The following LIPI variants were observed in gnomAD, a reference collection of about 807,000 sequenced individuals.
The protein encoded by LIPI is lipase I.
A neutral mutation model predicts 50.6 loss-of-function variants in LIPI; 59 were observed. The ratio of observed to expected loss-of-function variants is 1.16; its 90% CI spans 0.94 to 1.45. The LOEUF is 1.45. LIPI is among the 40% of genes most tolerant of loss of function. LIPI has a pLI of 0.00. For missense variants in LIPI, 586 were observed against 536.3 expected (o/e 1.09, Z -0.92); for synonymous variants, 203 against 178.2 (o/e 1.14, Z -1.11).
chr21:14,132,549 A>C lies in LIPI; in HGVS notation c.1295+12074T>G, dbSNP rs77139775. Among the ~76,000 whole-genome samples the C allele has an allele frequency of 2.0e-5, 3 of 152,278 alleles. No individual in the cohort carries two copies. In the East Asian group the frequency reaches 5.8e-4, roughly 29 times the overall value. ...AAAGAAAATTTTTCACCAATTAACAAGTCCTACAGGAAATGCTCAAAGGGA... is the reference window on the plus strand; with the variant it reads ...AAAGAAAATTTTTCACCAATTAACACGTCCTACAGGAAATGCTCAAAGGGA... On this transcript the variant is annotated intron_variant, in intron 9 of 9. Coordinates refer to ENST00000681601, the MANE Select transcript of LIPI (RefSeq NM_001302998.2).
At chr21:14,161,050 C>CA (rs1465624116) in intron 7 of LIPI, among the ~76,000 whole-genome samples, 3 of 151,008 alleles carry the variant, frequency 2.0e-5, no homozygotes, top group East Asian at 1.9e-4. Flanking sequence ...ACAGTCACTC[C>CA]AAAAAAATGT....
At chr21:14,157,969 T>A (rs534302120) in intron 7 of LIPI, among the ~76,000 whole-genome samples, 10 of 151,866 alleles carry the variant, frequency 6.6e-5, no homozygotes, top group African/African-American at 9.7e-5. Flanking sequence ...AGAAAAATTA[T>A]GTCCAAGTAC....
chr21:14,172,128 A>T (rs1297235020), intron 4 of LIPI, among the ~76,000 whole-genome samples: 2 of 152,128 alleles, frequency 1.3e-5, no homozygotes, highest in Non-Finnish European at 1.5e-5. Flanking sequence ...GCTCACCATC[A>T]CTGGCCATCA....
chr21:14,187,292 T>A (rs2019489497), intron 2 of LIPI, among the ~76,000 whole-genome samples: 1 of 152,116 alleles, frequency 6.6e-6, no homozygotes, highest in African/African-American at 2.4e-5. Flanking sequence ...TGTGGACAGA[T>A]CATGGTCCAG....
chr21:14,172,838 C>T (rs2018967196), intron 4 of LIPI, among the ~76,000 whole-genome samples: 1 of 151,298 alleles, frequency 6.6e-6, no homozygotes, highest in African/African-American at 2.4e-5. Flanking sequence ...GCACATTGTG[C>T]ACATGTACCC....
At chr21:14,123,573 G>T (rs538071721) in intron 9 of LIPI, among the ~76,000 whole-genome samples, 2 of 152,238 alleles carry the variant, frequency 1.3e-5, no homozygotes, top group East Asian at 3.9e-4. Flanking sequence ...TCTTTACTCA[G>T]ATAAGTACTG....
At chr21:14,182,832 TAA>T (rs2019318677) in intron 3 of LIPI, among the ~76,000 whole-genome samples, 1 of 151,998 alleles carries the variant, frequency 6.6e-6, no homozygotes, top group Admixed American at 6.6e-5. Flanking sequence ...CTCAATGAAA[TAA>T]AAGAGGATAC....
At chr21:14,113,074 G>A (rs1485966773) in intron 9 of LIPI, among the ~76,000 whole-genome samples, 2 of 152,176 alleles carry the variant, frequency 1.3e-5, no homozygotes, top group Non-Finnish European at 2.9e-5. Context: ...TTGAAAGCAG[G>A]ACCTGAAAGG....
intron 1 of LIPI, among the ~76,000 whole-genome samples, chr21:14,189,802 G>A (rs190788797): frequency 6.6e-6 from 1 of 151,860 alleles, no homozygotes; most frequent in African/African-American, 2.4e-5. Flanking sequence ...ATAAGCATTA[G>A]CATAAAATAT....
chr21:14,123,944 G>A (rs2016955206), intron 9 of LIPI, among the ~76,000 whole-genome samples: 1 of 152,128 alleles, frequency 6.6e-6, no homozygotes, highest in Non-Finnish European at 1.5e-5. Flanking sequence ...TAATAGAAGA[G>A]CTGTTATGGA....
Position 14,165,680 on chromosome 21 carries a change from A to G in LIPI, c.734-290T>C, listed in dbSNP as rs141952099. Among the ~76,000 whole-genome samples, 281 of 152,358 alleles carry G rather than the reference A, an allele frequency of 1.8e-3. 5 individuals carry two copies. The South Asian group carries it at 0.042, about 23-fold the overall frequency. On this transcript the variant is annotated intron_variant, in intron 5 of 9. Transcript: ENST00000681601. ...GCTCTACACAGTGCTACTATACTTAATAACTAGTGTACACATCTTTTCCTT... is the reference window on the plus strand; with the variant it reads ...GCTCTACACAGTGCTACTATACTTAGTAACTAGTGTACACATCTTTTCCTT...
intron 9 of LIPI, among the ~76,000 whole-genome samples, chr21:14,128,189 G>A (rs73155594): frequency 0.024 from 3,642 of 152,152 alleles, 67 homozygotes; most frequent in Middle Eastern, 0.058. Flanking sequence ...TGTAACATAT[G>A]TGTTTATGAG....
intron 9 of LIPI, chr21:14,144,125 TA>T: frequency 6.5e-6 from 1 of 154,224 alleles, no homozygotes; most frequent in Non-Finnish European, 1.4e-5. Context: ...GAATCTTAGA[TA>T]AAGCAGATGA....
chr21:14,163,244 TA>T (rs1212244003), intron 7 of LIPI, among the ~76,000 whole-genome samples, 174 bp downstream of exon 7: 2 of 151,776 alleles, frequency 1.3e-5, no homozygotes, highest in African/African-American at 4.8e-5. Flanking sequence ...CCATTTTATC[TA>T]AAAAAAGATC....
intron 7 of LIPI, among the ~76,000 whole-genome samples, chr21:14,157,610 CAAACAAG>C (rs1555852064): frequency 1.3e-5 from 2 of 151,764 alleles, no homozygotes; most frequent in Non-Finnish European, 2.9e-5. Context: ...AAAACGTCTA[CAAACAAG>C]AAACAAGATG....
chr21:14,198,498 C>T (rs1412385086), intron 1 of LIPI, among the ~76,000 whole-genome samples: 1 of 151,900 alleles, frequency 6.6e-6, no homozygotes, highest in Admixed American at 6.6e-5. Flanking sequence ...AGATTTTAAA[C>T]CAACAAAGAT....
At chr21:14,122,331 T>A (rs8130103) in intron 9 of LIPI, among the ~76,000 whole-genome samples, 4,130 of 152,298 alleles carry the variant, frequency 0.027, 178 homozygotes, top group African/African-American at 0.091. Context: ...CTCAAGTATG[T>A]TATGATCTAG....
chr21:14,165,569 T>C (rs2018652857), intron 5 of LIPI, among the ~76,000 whole-genome samples, 179 bp from the exon 6 acceptor site: 1 of 152,182 alleles, frequency 6.6e-6, no homozygotes, highest in African/African-American at 2.4e-5. Context: ...AAACTTAAAT[T>C]TAGTATGTCT....
chr21:14,120,927 C>G (rs1470165933), intron 9 of LIPI, among the ~76,000 whole-genome samples: 3 of 152,156 alleles, frequency 2.0e-5, no homozygotes, highest in Admixed American at 6.5e-5. Context: ...TTACTTGCAT[C>G]CAGAATAACC....
Sources: allele counts gnomAD v4.1 joint callset (sites outside exome capture counted in the v4.1 genomes callset), GRCh38; gene constraint gnomAD v4.1.1; transcripts MANE v1.5; gene names NCBI Gene and HGNC (gene_info 2026-07-23, HGNC 2026-07-21).